Variants in MAST2 observed in about 807,000 individuals in gnomAD.
MAST2 encodes the protein microtubule associated serine/threonine kinase 2.
In MAST2, 70 loss-of-function variants were observed where a neutral mutation model predicts 147.4. The ratio of observed to expected loss-of-function variants is 0.47; its 90% CI spans 0.39 to 0.58. The LOEUF is 0.58. Ranked by LOEUF, MAST2 falls within the 20% of genes least tolerant of loss-of-function variation. The pLI is 0.00. For synonymous variants in MAST2, 869 were observed against 896.8 expected, an observed-to-expected ratio of 0.97 and a Z score of 0.55; for missense variants, 2,080 against 2,302.3, an observed-to-expected ratio of 0.90 and a Z score of 1.98.
At chr1:45,893,159 A>G (rs12409773) in intron 4 of MAST2, among the ~76,000 whole-genome samples, 67,628 of 151,980 alleles carry the variant, frequency 0.44, 15,248 homozygotes, top group East Asian at 0.62. Context: ...GAAATGTTAA[A>G]AGTAAGGTTG....
At chr1:45,812,344 A>G (rs1041759913) in intron 1 of MAST2, among the ~76,000 whole-genome samples, 2 of 150,300 alleles carry the variant, frequency 1.3e-5, no homozygotes, top group African/African-American at 4.9e-5. Context: ...ATGTTCCCTG[A>G]TGAGGGTAGG....
intron 5 of MAST2, among the ~76,000 whole-genome samples, chr1:45,990,684 C>T (rs1302288999): frequency 6.6e-6 from 1 of 152,130 alleles, no homozygotes; most frequent in Non-Finnish European, 1.5e-5. Context: ...CAAGATCTCC[C>T]TGTATTGTCC....
At position 45,811,338 on chromosome 1, in the gene MAST2, A is replaced by ATTT. The variant is rs57495413; in HGVS notation, c.177+7282_177+7284dup. On this transcript the variant is annotated intron_variant, in intron 1 of 28. Transcript: ENST00000361297. ...GCCCAGCTAATTTTTGTATTTTTGT[A>ATTT]TTTTTTTTTTTTTTTTTTGAGACGG... 2.5e-3 allele frequency among the ~76,000 whole-genome samples: 282 copies of ATTT among 112,980 alleles called. 10 individuals are homozygous for ATTT. Among genetic ancestry groups the ATTT allele is most frequent in the East Asian group, 6.3e-3 (25 of 3,970 alleles). 74.1% of individuals were successfully genotyped at this position (112,980 alleles called of 152,430 possible). A position where few individuals can be genotyped will look rare whatever the true frequency, so the allele number is the denominator to read the frequency against.
At chr1:45,973,285 C>G (rs2149003240) in intron 5 of MAST2, among the ~76,000 whole-genome samples, 1 of 152,258 alleles carries the variant, frequency 6.6e-6, no homozygotes, top group East Asian at 1.9e-4. Context: ...CACTACCCTA[C>G]CTCAATCACT....
Position 46,008,338 on chromosome 1 carries a change from G to C in MAST2, c.945G>C (p.Met315Ile), listed in dbSNP as rs776272848. Residue 315 changes from methionine to isoleucine, a missense_variant, in exon 9 of 29, where the codon ATG becomes ATC. By Grantham distance (10) the Met-to-Ile change is conservative. Around this residue, in one of 4 missense-constraint regions of MAST2, gnomAD observed 569 missense variants for 642.5 expected, o/e 0.89. Transcript: ENST00000361297. The stretch of plus-strand genomic sequence containing the variant: ...TATCCTTTGACAGTGAAATAATAAT[G>C]ATGAATCATGTTTACAAAGAAAGAT... ...SPVSFDSEII[M>I]MNHVYKERFP... The C allele has an allele frequency of 6.2e-7, 1 of 1,612,804 alleles. No individual in the cohort carries two copies. Among genetic ancestry groups the C allele is most frequent in the East Asian group, 2.2e-5 (1 of 44,878 alleles).
intron 4 of MAST2, among the ~76,000 whole-genome samples, chr1:45,901,074 C>T (rs1035643155): frequency 2.6e-5 from 4 of 152,050 alleles, no homozygotes; most frequent in Non-Finnish European, 4.4e-5. Flanking sequence ...AATTATTTGC[C>T]TAGGCCAATG....
intron 4 of MAST2, among the ~76,000 whole-genome samples, chr1:45,910,075 G>A (rs1436085787): frequency 6.7e-6 from 1 of 149,960 alleles, no homozygotes; most frequent in African/African-American, 2.4e-5. Context: ...CCAATCTTCA[G>A]TGATAGTAAT....
chr1:45,870,565 G>A (rs1646343139), intron 3 of MAST2, among the ~76,000 whole-genome samples: 2 of 150,304 alleles, frequency 1.3e-5, no homozygotes, highest in South Asian at 4.2e-4. Flanking sequence ...TTGCTGATTT[G>A]TTCTTCTGTT....
At chr1:46,007,907 GT>G (rs1043827382) in intron 8 of MAST2, among the ~76,000 whole-genome samples, 9 of 152,142 alleles carry the variant, frequency 5.9e-5, no homozygotes, top group Non-Finnish European at 1.2e-4. Flanking sequence ...TGCTTTGGTA[GT>G]TTTTTTATTT....
intron 3 of MAST2, among the ~76,000 whole-genome samples, chr1:45,868,109 G>T (rs570275760): frequency 6.6e-6 from 1 of 152,164 alleles, no homozygotes; most frequent in Non-Finnish European, 1.5e-5. Context: ...AGCCTCTGTC[G>T]GTGTAGGAAT....
intron 1 of MAST2, among the ~76,000 whole-genome samples, chr1:45,810,582 T>C (rs1347439403): frequency 6.6e-6 from 1 of 151,836 alleles, no homozygotes; most frequent in African/African-American, 2.4e-5. Context: ...GAGACCAAGG[T>C]GGGTGGATCA....
At chr1:46,004,577 C>T (rs1046213639) in intron 7 of MAST2, among the ~76,000 whole-genome samples, 2 of 152,144 alleles carry the variant, frequency 1.3e-5, no homozygotes, top group Admixed American at 1.3e-4. Flanking sequence ...TTTTTTGCAA[C>T]TTTGATCCAA....
intron 10 of MAST2, among the ~76,000 whole-genome samples, chr1:46,012,058 T>G (rs1056040220): frequency 1.1e-4 from 17 of 152,204 alleles, no homozygotes; most frequent in Admixed American, 9.2e-4. Flanking sequence ...AAAGAAATAC[T>G]TAAAATAAAA....
intron 4 of MAST2, among the ~76,000 whole-genome samples, chr1:45,918,379 T>A (rs1200134899): frequency 6.6e-6 from 1 of 152,172 alleles, no homozygotes; most frequent in African/African-American, 2.4e-5. Context: ...TGGTACAGAA[T>A]AAGTTAGGTG....
intron 5 of MAST2, among the ~76,000 whole-genome samples, chr1:45,962,673 C>A (rs1167385481): frequency 6.6e-6 from 1 of 151,998 alleles, no homozygotes; most frequent in Non-Finnish European, 1.5e-5. Flanking sequence ...GGATATTAAC[C>A]CTTTGTCAGA....
At chr1:46,021,218 A>G (rs76364559) in intron 11 of MAST2, among the ~76,000 whole-genome samples, 96 of 152,344 alleles carry the variant, frequency 6.3e-4, no homozygotes, top group African/African-American at 2.2e-3. Flanking sequence ...GGGAATGAGA[A>G]CAGAGTTCAG....
intron 3 of MAST2, among the ~76,000 whole-genome samples, chr1:45,839,265 A>T (rs1645201416): frequency 6.6e-6 from 1 of 151,736 alleles, no homozygotes; most frequent in Non-Finnish European, 1.5e-5. Context: ...AGTAGCTGGG[A>T]TTACAGGTGC....
chr1:45,966,626 G>C (rs942136155), intron 5 of MAST2, among the ~76,000 whole-genome samples: 35 of 152,070 alleles, frequency 2.3e-4, no homozygotes, highest in African/African-American at 7.0e-4. Context: ...GGAGGCTGAC[G>C]CAGGAGAATC....
intron 3 of MAST2, among the ~76,000 whole-genome samples, chr1:45,867,799 A>G (rs149544411): frequency 1.3e-5 from 2 of 152,336 alleles, no homozygotes; most frequent in African/African-American, 4.8e-5. Flanking sequence ...CTGAACTACA[A>G]GTAACAGAAA....
Sources: gnomAD v4.1 joint callset for allele counts (sites outside exome capture counted in the v4.1 genomes callset) on GRCh38, gnomAD v4.1.1 for gene constraint, gnomAD v4.1.1 regional missense constraint, MANE v1.5 for transcripts, NCBI Gene and HGNC (gene_info 2026-07-23, HGNC 2026-07-21) for gene names.